Variants in MCPH1 observed in about 807,000 individuals in gnomAD.
The protein encoded by MCPH1 is microcephalin 1, also known as microcephalin.
MCPH1 carries 104 observed loss-of-function variants against 84.5 expected under a neutral mutation model. The ratio of observed to expected loss-of-function variants is 1.23; its 90% CI spans 1.05 to 1.45. The LOEUF is 1.45. Ranked by LOEUF, MCPH1 falls within the 40% of genes most tolerant of loss-of-function variation. The pLI, the probability that MCPH1 is intolerant of heterozygous loss-of-function variation, is 0.00. For missense variants in MCPH1, 1,498 were observed against 1,005.7 expected (o/e 1.49, Z -6.62); for synonymous variants, 514 against 366.8 (o/e 1.40, Z -4.58).
intron 12 of MCPH1, among the ~76,000 whole-genome samples, chr8:6,532,071 A>T (rs757408670): frequency 2.0e-4 from 30 of 152,192 alleles, no homozygotes; most frequent in Non-Finnish European, 4.0e-4. Context: ...AGTGGTTGGG[A>T]TGCGTGGCAT....
At chr8:6,505,452 TA>T (rs1813340081) in intron 12 of MCPH1, among the ~76,000 whole-genome samples, 1 of 74,332 alleles carries the variant, frequency 1.3e-5, no homozygotes, top group Non-Finnish European at 2.8e-5. Context: ...TATATACATA[TA>T]GAATATATAT....
At chr8:6,443,993 G>C (rs1803888711) in intron 7 of MCPH1, among the ~76,000 whole-genome samples, 1 of 152,198 alleles carries the variant, frequency 6.6e-6, no homozygotes, top group South Asian at 2.1e-4. Flanking sequence ...TTCATTGAGG[G>C]AATGTTTCAT....
intron 3 of MCPH1, among the ~76,000 whole-genome samples, chr8:6,416,228 G>A (rs1222595182): frequency 6.6e-6 from 1 of 152,062 alleles, no homozygotes; most frequent in African/African-American, 2.4e-5. Flanking sequence ...GTGTAATTTT[G>A]TAAATAGAGA....
chr8:6,459,999 G>C (rs1230937597), intron 9 of MCPH1, among the ~76,000 whole-genome samples: 2 of 152,176 alleles, frequency 1.3e-5, no homozygotes, highest in African/African-American at 2.4e-5. Context: ...GGGTTAGACT[G>C]CTCTCATCTT....
chr8:6,419,152 GACACAC>G (rs1177481281), intron 3 of MCPH1, among the ~76,000 whole-genome samples: 83 of 59,348 alleles, frequency 1.4e-3, no homozygotes, highest in Middle Eastern at 8.9e-3. Flanking sequence ...CACACACACA[GACACAC>G]ACACACACAC....
chr8:6,505,251 T>TATGTATATATAGAATATA (rs1563305171), intron 12 of MCPH1, among the ~76,000 whole-genome samples: 5 of 82,216 alleles, frequency 6.1e-5, no homozygotes, highest in South Asian at 3.3e-4. Context: ...TATATATTCT[T>TATGTATATATAGAATATA]TATATATGTT....
chr8:6,502,547 T>C (rs1485671480), intron 12 of MCPH1: 1 of 152,224 alleles, frequency 6.6e-6, no homozygotes, highest in African/African-American at 2.4e-5. Context: ...GGAGTAAAAA[T>C]GCACTAACTG....
chr8:6,530,112 G>C (rs1027384011), intron 12 of MCPH1, among the ~76,000 whole-genome samples: 1 of 151,856 alleles, frequency 6.6e-6, no homozygotes, highest in Admixed American at 6.6e-5. Context: ...GACATTTTTT[G>C]GATGAGCTAT....
At chr8:6,494,469 C>A (rs1366284129) in intron 11 of MCPH1, 1 of 152,166 alleles carries the variant, frequency 6.6e-6, no homozygotes, top group Admixed American at 6.5e-5. Context: ...TTGGGTAAGG[C>A]AGTTTCTTTA....
chr8:6,529,457 T>TTC lies in MCPH1; in HGVS notation c.2214+29529_2214+29530insCT, dbSNP rs200488508. Reference sequence around the variant, plus strand: ...TCCTTAAGCTCAGCCATTTTTCTTTTTTTTTTTTTTTTGAGACAGAGTCTC... The same window carrying TTC: ...TCCTTAAGCTCAGCCATTTTTCTTTTTCTTTTTTTTTTTTGAGACAGAGTCTC... On this transcript the variant is annotated intron_variant, in intron 12 of 13. Coordinates refer to ENST00000344683, the MANE Select transcript of MCPH1 (RefSeq NM_024596.5). Among the ~76,000 whole-genome samples, 723 of 150,748 alleles carry TTC rather than the reference T, an allele frequency of 4.8e-3. 7 individuals carry two copies. The highest frequency in any genetic ancestry group is 0.015 in the African/African-American group (636 of 41,174).
At chr8:6,514,316 A>C (rs925743288) in intron 12 of MCPH1, among the ~76,000 whole-genome samples, 1 of 152,112 alleles carries the variant, frequency 6.6e-6, no homozygotes, top group Non-Finnish European at 1.5e-5. Context: ...CAGCCTCCTG[A>C]GTAGCTGGGA....
intron 3 of MCPH1, among the ~76,000 whole-genome samples, chr8:6,421,247 G>A (rs563148856): frequency 4.1e-4 from 63 of 152,140 alleles, no homozygotes; most frequent in Middle Eastern, 3.4e-3. Context: ...GGTGTGGACT[G>A]TCAGGAAATG....
At chr8:6,413,498 G>A (rs1288379329) in intron 2 of MCPH1, among the ~76,000 whole-genome samples, 1 of 151,414 alleles carries the variant, frequency 6.6e-6, no homozygotes, top group Non-Finnish European at 1.5e-5. Flanking sequence ...TCCATTTTGT[G>A]TATTCCTGTA....
chr8:6,519,872 C>T, intron 12 of MCPH1: 1 of 1,613,994 alleles, frequency 6.2e-7, no homozygotes, highest in Non-Finnish European at 8.5e-7. Context: ...ACCTTGATCT[C>T]TTCTGTAGAA....
At chr8:6,625,855 C>T (rs1012739299) in intron 13 of MCPH1, 1 of 985,374 alleles carries the variant, frequency 1.0e-6, no homozygotes, top group Non-Finnish European at 1.2e-6. Context: ...TCTTGTTTTG[C>T]AGATGTCGTA....
At chr8:6,423,517 A>G (rs893065993) in intron 3 of MCPH1, among the ~76,000 whole-genome samples, 9 of 152,298 alleles carry the variant, frequency 5.9e-5, no homozygotes, top group Admixed American at 4.6e-4. Flanking sequence ...CTGTACATGC[A>G]GATGCATCCC....
chr8:6,560,897 A>G (rs1825429034), intron 12 of MCPH1, among the ~76,000 whole-genome samples: 1 of 152,248 alleles, frequency 6.6e-6, no homozygotes, highest in Non-Finnish European at 1.5e-5. Flanking sequence ...CATTTGGCCT[A>G]GCATTCTTTT....
Position 6,444,421 on chromosome 8 carries a change from A to T in MCPH1, c.699A>T (p.Ser233=). The T allele has an allele frequency of 6.2e-7, 1 of 1,614,182 alleles. No homozygotes were observed. Among genetic ancestry groups the T allele is most frequent in the Non-Finnish European group, 8.5e-7 (1 of 1,180,008 alleles). ...AATACTTTGCTGGTGGCTTACACTC[A>T]TCTTTTGATGATCTTTGTGGAAACT... ...SDEYFAGGLH[S]SFDDLCGNSG... is the part of the protein sequence containing the mutation. The change falls in exon 8 of 14, where the codon TCA becomes TCT. Residue 233 remains serine (S), a synonymous_variant. Coordinates refer to ENST00000344683, the MANE Select transcript of MCPH1 (RefSeq NM_024596.5).
At chr8:6,611,118 T>TCACA (rs914380537) in intron 12 of MCPH1, among the ~76,000 whole-genome samples, 3 of 139,324 alleles carry the variant, frequency 2.2e-5, no homozygotes, top group African/African-American at 6.1e-5. Flanking sequence ...ACACACTCTC[T>TCACA]CACACACACA....
Sources: gnomAD v4.1 joint callset for allele counts (sites outside exome capture counted in the v4.1 genomes callset) on GRCh38, gnomAD v4.1.1 for gene constraint, MANE v1.5 for transcripts, NCBI Gene and HGNC (gene_info 2026-07-23, HGNC 2026-07-21) for gene names.